NSD2: variants seen among roughly 807,000 people sequenced by gnomAD.
NSD2 encodes the protein nuclear receptor binding SET domain protein 2.
Under a neutral mutation model 139.0 loss-of-function variants are expected in NSD2, and 12 were observed. The ratio of observed to expected loss-of-function variants is 0.09; its 90% confidence interval spans 0.06 to 0.14. The LOEUF (loss-of-function observed/expected upper bound fraction) is 0.14. Ranked by LOEUF, NSD2 falls within the 10% of genes least tolerant of loss-of-function variation. The pLI is 1.00. For synonymous variants in NSD2, 669 were observed against 648.7 expected (o/e 1.03, Z -0.48); for missense variants, 1,155 against 1,745.0 (o/e 0.66, Z 6.02).
intron 17 of NSD2, among the ~76,000 whole-genome samples, chr4:1,960,035 T>A (rs762293809): frequency 1.4e-4 from 21 of 152,012 alleles, no homozygotes; most frequent in Non-Finnish European, 2.8e-4. Flanking sequence ...TAATTTTATT[T>A]TTTTTTGGAG....
At chr4:1,889,405 A>G (rs1211666260) in intron 1 of NSD2, among the ~76,000 whole-genome samples, 3 of 151,546 alleles carry the variant, frequency 2.0e-5, no homozygotes, top group Admixed American at 2.0e-4. Context: ...ATGTTGCCCA[A>G]GCTGGTCTTG....
intron 18 of NSD2, among the ~76,000 whole-genome samples, chr4:1,964,552 C>T (rs915042751): frequency 6.6e-6 from 1 of 152,206 alleles, no homozygotes; most frequent in African/African-American, 2.4e-5. Flanking sequence ...GGATCCTTTT[C>T]TCCAAATAGT....
chr4:1,889,578 T>C (rs1430651282), intron 1 of NSD2, among the ~76,000 whole-genome samples: 2 of 152,028 alleles, frequency 1.3e-5, no homozygotes, highest in African/African-American at 2.4e-5. Flanking sequence ...CTCGGCTTAC[T>C]GTAACCTCCG....
intron 9 of NSD2, chr4:1,945,927 A>G: frequency 1.9e-6 from 2 of 1,057,142 alleles, no homozygotes; most frequent in Non-Finnish European, 2.3e-6. Flanking sequence ...TCTAACATCT[A>G]GCCCTTTTAA....
At position 1,979,149 on chromosome 4, in the gene NSD2, C is replaced by T. The variant is rs1210679292; in HGVS notation, c.*240C>T. On this transcript the variant is annotated 3_prime_UTR_variant, in exon 22 of 22. Transcript: ENST00000508803. ...CGTTCCTGGACAAACAGCCTCACTCCTCAGCGTTACCGCCACACTTGAATT... is the reference window on the plus strand; with the variant it reads ...CGTTCCTGGACAAACAGCCTCACTCTTCAGCGTTACCGCCACACTTGAATT... 1 of 428,128 alleles carries T rather than the reference C, an allele frequency of 2.3e-6. No individual in the cohort carries two copies. Among genetic ancestry groups the T allele is most frequent in the Non-Finnish European group, 4.0e-6 (1 of 247,026 alleles). 26.5% of individuals were successfully genotyped at this position (428,128 alleles called of 1,614,324 possible). A position where few individuals can be genotyped will look rare whatever the true frequency, so the allele number is the denominator to read the frequency against.
chr4:1,979,809 G>A lies in NSD2; in HGVS notation c.*900G>A, dbSNP rs1273445067. The A allele has an allele frequency of 8.6e-6, 2 of 232,472 alleles. No homozygotes were observed. Among genetic ancestry groups the A allele is most frequent in the African/African-American group, 4.4e-5 (2 of 45,304 alleles). 14.4% of individuals were successfully genotyped at this position (232,472 alleles called of 1,614,324 possible). ...ATTTCACAAATCACCACCGACTGAAGTGTGTGTTTACTGATGCGGCCCTGA... is the reference window on the plus strand; with the variant it reads ...ATTTCACAAATCACCACCGACTGAAATGTGTGTTTACTGATGCGGCCCTGA... On this transcript the variant is annotated 3_prime_UTR_variant, in exon 22 of 22. Transcript: ENST00000508803.
intron 18 of NSD2, among the ~76,000 whole-genome samples, chr4:1,962,302 C>A (rs1577554161): frequency 6.6e-6 from 1 of 152,232 alleles, no homozygotes; most frequent in Non-Finnish European, 1.5e-5. Flanking sequence ...AAAGAAGTAC[C>A]CAGAGGAGGT....
chr4:1,953,658 C>A (rs898056797), intron 12 of NSD2, 134 bp downstream of exon 12: 2 of 1,174,872 alleles, frequency 1.7e-6, no homozygotes, highest in Non-Finnish European at 1.2e-6. Context: ...AACTGGACAT[C>A]GGCTGGGTTG....
intron 18 of NSD2, among the ~76,000 whole-genome samples, chr4:1,968,504 G>T (rs1020107344): frequency 6.6e-6 from 1 of 152,170 alleles, no homozygotes; most frequent in Non-Finnish European, 1.5e-5. Context: ...ACTGCTAAAT[G>T]AATAGAAGTG....
intron 9 of NSD2, chr4:1,946,580 A>C (rs1723659471): frequency 9.8e-6 from 10 of 1,020,868 alleles, no homozygotes; most frequent in Non-Finnish European, 1.2e-5. Context: ...GGTCTTGCTT[A>C]TTTTAAAAGA....
rs1402231832 is a variant in NSD2 at position 1,948,284 on chromosome 4, C to T, written c.1882-2788C>T. The T allele has an allele frequency of 1.6e-5, 17 of 1,065,498 alleles. No individual in the cohort carries two copies. In the Admixed American group the frequency reaches 8.6e-4, roughly 54 times the overall value. 66.0% of individuals were successfully genotyped at this position (1,065,498 alleles called of 1,614,324 possible). A position where few individuals can be genotyped will look rare whatever the true frequency, so the allele number is the denominator to read the frequency against. The stretch of plus-strand genomic sequence containing the variant: ...GCTCAGTCCCTGCACTTTTCCTTTC[C>T]AAATGCATCTCGTTGGATATGGAAT... On this transcript the variant is annotated intron_variant, in intron 9 of 21. Coordinates refer to ENST00000508803, the MANE Select transcript of NSD2 (RefSeq NM_001042424.3). This position sits in a 1 kb window ranked among gnomAD's most constrained non-coding sequence, Gnocchi z 4.5.
chr4:1,958,573 C>T lies in NSD2; in HGVS notation c.2985+537C>T, dbSNP rs888411801. ...GGGCTGCCTGCGCTCAGAGCTGGTG[C>T]GGCAAGCCGCATCCCCAGGAGCCTC... On this transcript the variant is annotated intron_variant, in intron 16 of 21. Transcript: ENST00000508803. This position sits in a 1 kb window ranked among gnomAD's most constrained non-coding sequence, Gnocchi z 4.6. Among the ~76,000 whole-genome samples the T allele has an allele frequency of 8.5e-5, 13 of 152,360 alleles. No individual in the cohort carries two copies. Among genetic ancestry groups the T allele is most frequent in the African/African-American group, 2.2e-4 (9 of 41,592 alleles).
At chr4:1,957,029 T>A (rs1315617135) in intron 15 of NSD2, among the ~76,000 whole-genome samples, 1 of 152,166 alleles carries the variant, frequency 6.6e-6, no homozygotes, top group East Asian at 1.9e-4. Flanking sequence ...GGTGGACTTA[T>A]GTGTTTGCTG....
At chr4:1,906,270 G>A (rs984490941) in intron 3 of NSD2, among the ~76,000 whole-genome samples, 2 of 151,986 alleles carry the variant, frequency 1.3e-5, no homozygotes, top group African/African-American at 2.4e-5. Context: ...ATGGAGGCTC[G>A]CTCCATCACC....
chr4:1,888,431 A>C (rs1213260322), intron 1 of NSD2, among the ~76,000 whole-genome samples: 3 of 151,518 alleles, frequency 2.0e-5, no homozygotes, highest in Admixed American at 6.6e-5. Context: ...AAAAAAAAAA[A>C]AAAAAAGACT....
At chr4:1,903,827 C>T (rs1042597881) in intron 2 of NSD2, among the ~76,000 whole-genome samples, 2 of 151,604 alleles carry the variant, frequency 1.3e-5, no homozygotes, top group African/African-American at 2.4e-5. Flanking sequence ...CTCCGCCTCC[C>T]GGGTTCACGC....
intron 2 of NSD2, among the ~76,000 whole-genome samples, chr4:1,903,594 C>T (rs1483660339): frequency 6.6e-6 from 1 of 152,034 alleles, no homozygotes; most frequent in African/African-American, 2.4e-5. Flanking sequence ...CCTTTTCGAC[C>T]AGTTGAATAA....
intron 3 of NSD2, among the ~76,000 whole-genome samples, chr4:1,909,265 C>A (rs181747125): frequency 3.0e-4 from 45 of 152,136 alleles, no homozygotes; most frequent in Admixed American, 1.5e-3. Context: ...TCCCACCACC[C>A]CCCCCAACCC....
chr4:1,905,007 G>A (rs1331624868), intron 3 of NSD2, among the ~76,000 whole-genome samples: 2 of 152,130 alleles, frequency 1.3e-5, no homozygotes, highest in Non-Finnish European at 2.9e-5. Context: ...GTGCACGCCT[G>A]TAATCCCAGC....
Sources: allele counts gnomAD v4.1 joint callset (sites outside exome capture counted in the v4.1 genomes callset), GRCh38; gene constraint gnomAD v4.1.1; non-coding constraint Gnocchi (gnomAD v3.1); transcripts MANE v1.5; gene names NCBI Gene and HGNC (gene_info 2026-07-23, HGNC 2026-07-21).